IL1RAPL1: variants seen among roughly 807,000 people sequenced by gnomAD.
IL1RAPL1 encodes the protein interleukin 1 receptor accessory protein like 1.
IL1RAPL1 carries 3 observed loss-of-function variants against 48.4 expected under a neutral mutation model. The observed-to-expected ratio is 0.06, with a 90% CI of 0.03 to 0.16. IL1RAPL1 has a LOEUF of 0.16. IL1RAPL1 is among the 10% of genes least tolerant of loss of function. The pLI, the probability that IL1RAPL1 is intolerant of heterozygous loss-of-function variation, is 1.00. For synonymous variants in IL1RAPL1, 185 were observed against 187.7 expected (o/e 0.99, Z 0.12); for missense variants, 349 against 530.6 (o/e 0.66, Z 3.36).
At chrX:29,005,463 T>C (rs1261685100) in intron 2 of IL1RAPL1, among the ~76,000 whole-genome samples, 1 of 112,034 alleles carries the variant, frequency 8.9e-6, no homozygotes, top group Non-Finnish European at 1.9e-5. Flanking sequence ...AATCAAATAG[T>C]GACAAGAATG....
chrX:29,427,531 G>T (rs1381659953), intron 5 of IL1RAPL1, among the ~76,000 whole-genome samples: 1 of 111,465 alleles, frequency 9.0e-6, no homozygotes, highest in Non-Finnish European at 1.9e-5. Context: ...CTACTGATTG[G>T]CTGGGAATCA....
intron 1 of IL1RAPL1, among the ~76,000 whole-genome samples, chrX:28,718,250 C>T (rs1935527294): frequency 2.7e-5 from 3 of 111,426 alleles, no homozygotes; most frequent in South Asian, 7.5e-4. Flanking sequence ...TAGAAAAAAA[C>T]TCTCTGATGT....
At chrX:29,129,565 C>T (rs1202688110) in intron 2 of IL1RAPL1, among the ~76,000 whole-genome samples, 1 of 103,299 alleles carries the variant, frequency 9.7e-6, no homozygotes, top group Non-Finnish European at 2.0e-5. Flanking sequence ...TGTGAATTAA[C>T]TGTATATGCA....
intron 1 of IL1RAPL1, among the ~76,000 whole-genome samples, chrX:28,616,264 T>C (rs1934217365): frequency 8.9e-6 from 1 of 112,143 alleles, no homozygotes; most frequent in Non-Finnish European, 1.9e-5. Flanking sequence ...GTAGACTTCT[T>C]ACAGGCTCCA....
At chrX:28,658,492 C>T (rs1339310126) in intron 1 of IL1RAPL1, among the ~76,000 whole-genome samples, 1 of 111,237 alleles carries the variant, frequency 9.0e-6, no homozygotes. Context: ...GCTGGGATTA[C>T]AGGCATGAGC....
At chrX:29,847,777 G>A (rs1931278333) in intron 6 of IL1RAPL1, among the ~76,000 whole-genome samples, 1 of 111,552 alleles carries the variant, frequency 9.0e-6, no homozygotes, top group Non-Finnish European at 1.9e-5. Flanking sequence ...CATAATGAAG[G>A]TTTTTATCCT....
chrX:28,679,140 T>G (rs945661152), intron 1 of IL1RAPL1, among the ~76,000 whole-genome samples: 1 of 112,176 alleles, frequency 8.9e-6, no homozygotes, highest in Non-Finnish European at 1.9e-5. Flanking sequence ...CTAACAAGTG[T>G]GAGGTGATAT....
chrX:29,450,640 A>T (rs1037669977), intron 5 of IL1RAPL1, among the ~76,000 whole-genome samples: 1 of 111,926 alleles, frequency 8.9e-6, no homozygotes, highest in Non-Finnish European at 1.9e-5. Flanking sequence ...GCCCTTAAAG[A>T]GCTAAATCAT....
At chrX:29,395,556 T>G (rs1457429672) in intron 3 of IL1RAPL1, among the ~76,000 whole-genome samples, 17 of 111,965 alleles carry the variant, frequency 1.5e-4, no homozygotes, top group Non-Finnish European at 5.6e-5. Flanking sequence ...AGATGCTTAT[T>G]TAATGACCCA....
chrX:28,615,214 T>TG (rs780699569), intron 1 of IL1RAPL1, among the ~76,000 whole-genome samples: 11,874 of 58,760 alleles, frequency 0.2, 721 homozygotes, highest in Non-Finnish European at 0.26. Context: ...TTTTTTTTTT[T>TG]TTTTTTTTTT....
chrX:29,290,699 C>T (rs1266002916), intron 3 of IL1RAPL1, among the ~76,000 whole-genome samples: 1 of 111,811 alleles, frequency 8.9e-6, no homozygotes, highest in Non-Finnish European at 1.9e-5. Context: ...CTGTGGTCAC[C>T]TGTGGCTGGA....
chrX:29,676,280 G>A (rs185427575), intron 6 of IL1RAPL1, among the ~76,000 whole-genome samples: 59 of 112,307 alleles, frequency 5.3e-4, no homozygotes, highest in Non-Finnish European at 1.5e-4. Context: ...TTTGCTGTTA[G>A]TATTTGAGAC....
At chrX:28,966,600 C>G (rs1339863121) in intron 2 of IL1RAPL1, among the ~76,000 whole-genome samples, 1 of 111,613 alleles carries the variant, frequency 9.0e-6, no homozygotes, top group Non-Finnish European at 1.9e-5. Context: ...CTTTCATGGC[C>G]AGTATTGTAT....
chrX:29,589,224 CT>C (rs973917089), intron 5 of IL1RAPL1, among the ~76,000 whole-genome samples: 1 of 111,873 alleles, frequency 8.9e-6, no homozygotes, highest in African/African-American at 3.2e-5. Flanking sequence ...ACCTTTTTAA[CT>C]CATTTTATAG....
intron 3 of IL1RAPL1, among the ~76,000 whole-genome samples, chrX:29,289,800 A>G (rs1209279500): frequency 8.9e-6 from 1 of 112,228 alleles, no homozygotes; most frequent in Non-Finnish European, 1.9e-5. Context: ...TTAACTAAGT[A>G]TTTCATTTTC....
chrX:29,245,464 C>A (rs986527250), intron 2 of IL1RAPL1, among the ~76,000 whole-genome samples: 3 of 111,686 alleles, frequency 2.7e-5, no homozygotes, highest in Non-Finnish European at 5.7e-5. Flanking sequence ...TAATGATCAC[C>A]ATTCTAACTG....
chrX:29,913,764 G>C (rs182563350), intron 6 of IL1RAPL1, among the ~76,000 whole-genome samples: 1 of 109,495 alleles, frequency 9.1e-6, no homozygotes, highest in African/African-American at 3.4e-5. Context: ...TCTCCTATTT[G>C]AAATCTTCCC....
intron 2 of IL1RAPL1, among the ~76,000 whole-genome samples, chrX:28,981,419 G>A (rs763422470): frequency 1.8e-5 from 2 of 110,645 alleles, no homozygotes; most frequent in Non-Finnish European, 3.8e-5. Context: ...CAGGACCCCT[G>A]AACCAATATT....
intron 2 of IL1RAPL1, among the ~76,000 whole-genome samples, chrX:28,904,559 G>A (rs1923168803): frequency 8.9e-6 from 1 of 111,947 alleles, no homozygotes; most frequent in African/African-American, 3.2e-5. Flanking sequence ...AAGAAGTCAC[G>A]TTTTAAATTT....
Sources: allele counts gnomAD v4.1 joint callset (sites outside exome capture counted in the v4.1 genomes callset), GRCh38; gene constraint gnomAD v4.1.1; transcripts MANE v1.5; gene names NCBI Gene and HGNC (gene_info 2026-07-23, HGNC 2026-07-21).